Variants in SLC44A1 observed in about 807,000 individuals in gnomAD.
SLC44A1 encodes choline transporter-like protein 1.
Under a neutral mutation model 79.3 loss-of-function variants are expected in SLC44A1, and 26 were observed. That is an observed-to-expected ratio of 0.33 (90% CI 0.24 to 0.46). SLC44A1 has a LOEUF of 0.46. Ranked by LOEUF, SLC44A1 falls within the 20% of genes least tolerant of loss-of-function variation. The probability of loss-of-function intolerance (pLI) is 1.00; values close to 1 mark genes in which losing one functional copy is unlikely to be tolerated. For missense variants in SLC44A1, 688 were observed against 798.1 expected (o/e 0.86, Z 1.66); for synonymous variants, 263 against 286.2 (o/e 0.92, Z 0.82).
At position 105,394,443 on chromosome 9, in the gene SLC44A1, T is replaced by TTGG. The variant is rs1828834675; in HGVS notation, c.*5389_*5390insGTG. 1 of 713,904 alleles carries TTGG rather than the reference T, an allele frequency of 1.4e-6. No homozygotes were observed. The allele number at this position is 713,904 out of a possible 1,614,324, so 44.2% of individuals were successfully genotyped here. ...TATGTGTGTGTGTGTGTGTGTGTGT[T>TTGG]TGTGTGTGTGTGTGTGTGTCCTGGC... On this transcript the variant is annotated 3_prime_UTR_variant, in exon 16 of 16. Transcript: ENST00000374720.
chr9:105,429,237 G>A (rs1240019506), intron 15 of SLC44A1, among the ~76,000 whole-genome samples: 1 of 152,200 alleles, frequency 6.6e-6, no homozygotes, highest in Non-Finnish European at 1.5e-5. Flanking sequence ...TATAAAACCA[G>A]ATTATCTCAA....
chr9:105,257,651 T>C (rs1829743601), intron 1 of SLC44A1, among the ~76,000 whole-genome samples: 1 of 150,418 alleles, frequency 6.6e-6, no homozygotes, highest in African/African-American at 2.5e-5. Flanking sequence ...GAAAGAATAG[T>C]TGGGGAGTTG....
intron 1 of SLC44A1, among the ~76,000 whole-genome samples, chr9:105,287,146 G>T (rs1006045102): frequency 2.6e-5 from 4 of 152,042 alleles, no homozygotes; most frequent in African/African-American, 4.8e-5. Context: ...TTTTAAGTTT[G>T]GTTGATTACA....
chr9:105,371,593 C>T (rs1828102060), intron 12 of SLC44A1, among the ~76,000 whole-genome samples: 1 of 151,838 alleles, frequency 6.6e-6, no homozygotes. Context: ...TAGCCGGGTG[C>T]CTGTAGTCCC....
intron 3 of SLC44A1, among the ~76,000 whole-genome samples, chr9:105,311,188 TTTTTTA>T (rs1366512800): frequency 1.3e-5 from 2 of 152,192 alleles, no homozygotes; most frequent in African/African-American, 2.4e-5. Flanking sequence ...AGACTACGAT[TTTTTTA>T]TTTTTATTTT....
chr9:105,429,923 G>T (rs1347980430), intron 15 of SLC44A1, among the ~76,000 whole-genome samples: 1 of 151,336 alleles, frequency 6.6e-6, no homozygotes, highest in Admixed American at 6.6e-5. Context: ...TTGAGACAGG[G>T]TCTCATTTTG....
rs142380647 is a variant in SLC44A1 at position 105,318,992 on chromosome 9, C to A, written c.269+9126C>A. ...TGACACCTGTGAAGATTTTTACAAG[C>A]TTTAGTCATTGTTCATGAGCTGATA... On this transcript the variant is annotated intron_variant, in intron 3 of 15. Coordinates refer to ENST00000374720, the MANE Select transcript of SLC44A1 (RefSeq NM_080546.5). Among the ~76,000 whole-genome samples, 228 of 152,136 alleles carry A rather than the reference C, an allele frequency of 1.5e-3. 1 individual carries two copies. Among genetic ancestry groups the A allele is most frequent in the African/African-American group, 5.2e-3 (217 of 41,484 alleles).
Position 105,303,219 on chromosome 9 carries a change from G to A in SLC44A1, c.126+3910G>A, listed in dbSNP as rs1051215312. Reference sequence around the variant, plus strand: ...TAGATACCTGATTATGCCCAATAAGGTACTCCCTGGTAAAAATAACTTGTG... The same window carrying A: ...TAGATACCTGATTATGCCCAATAAGATACTCCCTGGTAAAAATAACTTGTG... On this transcript the variant is annotated intron_variant, in intron 2 of 15. Coordinates refer to ENST00000374720, the MANE Select transcript of SLC44A1 (RefSeq NM_080546.5). Among the ~76,000 whole-genome samples the A allele has an allele frequency of 2.6e-5, 4 of 151,734 alleles. No homozygotes were observed. In the South Asian group the frequency reaches 6.3e-4, roughly 24 times the overall value.
intron 4 of SLC44A1, among the ~76,000 whole-genome samples, chr9:105,337,521 C>G (rs1316771186): frequency 6.6e-6 from 1 of 152,134 alleles, no homozygotes; most frequent in Admixed American, 6.5e-5. Context: ...CCTCTAGTCT[C>G]TCTCTAATTT....
In SLC44A1 at chr9:105,339,795, T is replaced by G. The variant is rs148042331; in HGVS notation, c.406+4096T>G. 4.8e-3 allele frequency among the ~76,000 whole-genome samples: 737 copies of G among 152,274 alleles called. 8 individuals carry two copies. Among genetic ancestry groups the G allele is most frequent in the African/African-American group, 0.017 (707 of 41,558 alleles). On this transcript the variant is annotated intron_variant, in intron 4 of 15. Coordinates refer to ENST00000374720, the MANE Select transcript of SLC44A1 (RefSeq NM_080546.5). ...GAGATTATGCCACTGCACTCTAGCC[T>G]GGGTGACAGAGTGAGACCCTGTCTC...
At chr9:105,336,640 A>C (rs1006066042) in intron 4 of SLC44A1, among the ~76,000 whole-genome samples, 2 of 152,236 alleles carry the variant, frequency 1.3e-5, no homozygotes, top group African/African-American at 4.8e-5. Context: ...GGAACGACCC[A>C]GGTATCCAGT....
chr9:105,272,266 C>T (rs1000693164), intron 1 of SLC44A1, among the ~76,000 whole-genome samples: 3 of 151,974 alleles, frequency 2.0e-5, no homozygotes, highest in African/African-American at 7.2e-5. Context: ...TTTTTGTCTT[C>T]TTTATATCTC....
intron 15 of SLC44A1, among the ~76,000 whole-genome samples, chr9:105,436,118 A>G (rs993477799): frequency 3.9e-5 from 6 of 152,242 alleles, no homozygotes; most frequent in African/African-American, 1.4e-4. Flanking sequence ...GAATCGCTGG[A>G]ACCCAGGCGG....
intron 15 of SLC44A1, among the ~76,000 whole-genome samples, chr9:105,431,987 A>G (rs922597422): frequency 6.6e-6 from 1 of 152,216 alleles, no homozygotes; most frequent in Admixed American, 6.5e-5. Flanking sequence ...CAGTGGCGCA[A>G]TCTTGGCTCA....
At chr9:105,266,286 AG>A (rs1347189506) in intron 1 of SLC44A1, among the ~76,000 whole-genome samples, 1 of 152,080 alleles carries the variant, frequency 6.6e-6, no homozygotes, top group Non-Finnish European at 1.5e-5. Flanking sequence ...TATTTAGCAG[AG>A]GGGTTTTGTG....
At chr9:105,419,456 A>G (rs879461328) in intron 15 of SLC44A1, among the ~76,000 whole-genome samples, 4 of 152,240 alleles carry the variant, frequency 2.6e-5, no homozygotes, top group African/African-American at 4.8e-5. Flanking sequence ...TGGAAAGACC[A>G]TATGTTGCAA....
chr9:105,351,632 G>GAAGAAAGAAAGAAAGAA lies in SLC44A1; in HGVS notation c.500+3182_500+3183insAGAAAGAAAGAAAGAAA, dbSNP rs768336417. 1.9e-4 allele frequency among the ~76,000 whole-genome samples: 19 copies of GAAGAAAGAAAGAAAGAA among 101,358 alleles called. 1 individual carries two copies. Among genetic ancestry groups the GAAGAAAGAAAGAAAGAA allele is most frequent in the Non-Finnish European group, 6.1e-5 (3 of 49,486 alleles). The allele number at this position is 101,358 out of a possible 152,430, so 66.5% of individuals were successfully genotyped here. A position where few individuals can be genotyped will look rare whatever the true frequency, so the allele number is the denominator to read the frequency against. On this transcript the variant is annotated intron_variant, in intron 5 of 15. Transcript: ENST00000374720. ...AAAGAAAGAAAGAAAGAGAGAGAAA[G>GAAGAAAGAAAGAAAGAA]AGAAAGAAAGAAAGAAAGAAAGAAA...
At chr9:105,379,660 G>C (rs1006006195) in intron 13 of SLC44A1, among the ~76,000 whole-genome samples, 1 of 152,192 alleles carries the variant, frequency 6.6e-6, no homozygotes, top group Non-Finnish European at 1.5e-5. Flanking sequence ...ATGTGAATTA[G>C]ATTTGTAAGG....
chr9:105,336,107 TATAC>T (rs1324616248), intron 4 of SLC44A1, among the ~76,000 whole-genome samples: 2 of 150,992 alleles, frequency 1.3e-5, no homozygotes, highest in East Asian at 1.9e-4. Flanking sequence ...AAACAATATA[TATAC>T]ATACATATGT....
Sources: allele counts gnomAD v4.1 joint callset (sites outside exome capture counted in the v4.1 genomes callset), GRCh38; gene constraint gnomAD v4.1.1; transcripts MANE v1.5; gene names NCBI Gene and HGNC (gene_info 2026-07-23, HGNC 2026-07-21).